GRIN2B: variants seen among roughly 807,000 people sequenced by gnomAD.
GRIN2B encodes glutamate receptor ionotropic, NMDA 2B.
Under a neutral mutation model 114.5 loss-of-function variants are expected in GRIN2B, and 5 were observed. That is an observed-to-expected ratio of 0.04 (90% CI 0.02 to 0.09). The LOEUF is 0.09. Ranked by LOEUF, GRIN2B falls within the 10% of genes least tolerant of loss-of-function variation. GRIN2B has a pLI of 1.00. For missense variants in GRIN2B, 1,108 were observed against 1,943.5 expected, an observed-to-expected ratio of 0.57 and a Z score of 8.08; for synonymous variants, 787 against 745.1, an observed-to-expected ratio of 1.06 and a Z score of -0.92.
At chr12:13,814,475 C>T (rs561027439) in intron 3 of GRIN2B, among the ~76,000 whole-genome samples, 5 of 152,286 alleles carry the variant, frequency 3.3e-5, no homozygotes, top group African/African-American at 7.2e-5. Context: ...AAATAACCTA[C>T]AAATCAGCTT....
intron 2 of GRIN2B, among the ~76,000 whole-genome samples, chr12:13,904,352 T>C (rs546274573): frequency 1.2e-4 from 19 of 152,196 alleles, no homozygotes; most frequent in African/African-American, 4.3e-4. Flanking sequence ...GTCTACTTAA[T>C]TTATCAAAGT....
At chr12:13,785,944 T>C (rs1171860572) in intron 3 of GRIN2B, among the ~76,000 whole-genome samples, 3 of 152,268 alleles carry the variant, frequency 2.0e-5, no homozygotes, top group Non-Finnish European at 4.4e-5. Flanking sequence ...TTTCCATATT[T>C]ATGGAAATAA....
At chr12:13,595,278 G>A (rs1259132336) in intron 10 of GRIN2B, among the ~76,000 whole-genome samples, 1 of 152,162 alleles carries the variant, frequency 6.6e-6, no homozygotes, top group Non-Finnish European at 1.5e-5. Context: ...CTTCCTGTGT[G>A]TGTGTGTTGA....
chr12:13,589,630 T>C (rs574658902), intron 10 of GRIN2B, among the ~76,000 whole-genome samples: 11 of 152,336 alleles, frequency 7.2e-5, no homozygotes, highest in South Asian at 6.2e-4. Context: ...AAGTAGGCGG[T>C]GAGACTGAAA....
Position 13,567,275 on chromosome 12 carries a change from A to G in GRIN2B, c.2360-12T>C. On this transcript the variant is annotated splice_polypyrimidine_tract_variant and intron_variant, in intron 12 of 13. Coordinates refer to ENST00000609686, the MANE Select transcript of GRIN2B (RefSeq NM_000834.5). ...TTCTTCCATCTCCCCTGGGGAAAGG[A>G]CAGAGAAGGAAAATGGATAAAAAGA... 1.3e-6 allele frequency: 2 copies of G among 1,585,490 alleles called. No individual in the cohort carries two copies. Among genetic ancestry groups the G allele is most frequent in the Non-Finnish European group, 1.7e-6 (2 of 1,154,012 alleles).
intron 4 of GRIN2B, among the ~76,000 whole-genome samples, chr12:13,744,413 G>T (rs1307532200): frequency 1.3e-5 from 2 of 152,188 alleles, no homozygotes; most frequent in Non-Finnish European, 2.9e-5. Flanking sequence ...ATGCACACAT[G>T]AATATGAGTG....
chr12:13,925,404 T>C (rs1208166894), intron 2 of GRIN2B, among the ~76,000 whole-genome samples: 1 of 152,238 alleles, frequency 6.6e-6, no homozygotes, highest in Non-Finnish European at 1.5e-5. Context: ...ACAAAAGGAC[T>C]GCAAAAGAAA....
At chr12:13,785,170 T>A (rs1864201780) in intron 3 of GRIN2B, among the ~76,000 whole-genome samples, 1 of 152,230 alleles carries the variant, frequency 6.6e-6, no homozygotes. Flanking sequence ...ATTTCCCTGT[T>A]CCCACTACTT....
intron 2 of GRIN2B, among the ~76,000 whole-genome samples, chr12:13,955,596 A>C (rs1867574434): frequency 6.6e-6 from 1 of 152,214 alleles, no homozygotes; most frequent in African/African-American, 2.4e-5. Context: ...TACTCAGCTA[A>C]AGTCAGTTAT....
chr12:13,925,470 T>C (rs1866896672), intron 2 of GRIN2B, among the ~76,000 whole-genome samples: 2 of 152,178 alleles, frequency 1.3e-5, no homozygotes, highest in Non-Finnish European at 2.9e-5. Context: ...AAGCACAGCT[T>C]CTTTTTCTGA....
intron 4 of GRIN2B, among the ~76,000 whole-genome samples, chr12:13,745,866 A>G (rs1040137269): frequency 6.6e-6 from 1 of 152,174 alleles, no homozygotes. Flanking sequence ...CCTTAAAAAC[A>G]TATAAAATGA....
intron 10 of GRIN2B, among the ~76,000 whole-genome samples, chr12:13,598,392 TGAGAAACA>T (rs957752226): frequency 1.3e-5 from 2 of 152,200 alleles, no homozygotes; most frequent in African/African-American, 4.8e-5. Context: ...CATCTGGTCT[TGAGAAACA>T]GATCTATCTG....
Position 13,702,351 on chromosome 12 carries a change from C to T in GRIN2B, c.1011-26492G>A, listed in dbSNP as rs531667489. Among the ~76,000 whole-genome samples, 45 of 152,286 alleles carry T rather than the reference C, an allele frequency of 3.0e-4. 1 individual carries two copies. The East Asian group carries it at 8.5e-3, about 29-fold the overall frequency. ...ATGTGCTACCTAGATCCAAGGAGGA[C>T]TTCATAACAGAACATAGCAGTCAGA... On this transcript the variant is annotated intron_variant, in intron 4 of 13. Coordinates refer to ENST00000609686, the MANE Select transcript of GRIN2B (RefSeq NM_000834.5).
intron 2 of GRIN2B, among the ~76,000 whole-genome samples, chr12:13,970,515 T>A (rs569279368): frequency 6.6e-6 from 1 of 152,282 alleles, no homozygotes; most frequent in South Asian, 2.1e-4. Flanking sequence ...AACCAATATT[T>A]TCTGAGCACT....
At chr12:13,573,615 T>TC (rs1281364731) in intron 10 of GRIN2B, among the ~76,000 whole-genome samples, 12 of 125,476 alleles carry the variant, frequency 9.6e-5, no homozygotes, top group African/African-American at 3.1e-4. Flanking sequence ...TGTGCTGTGC[T>TC]TTGGCATCGG....
At chr12:13,727,652 C>G (rs1863015760) in intron 4 of GRIN2B, among the ~76,000 whole-genome samples, 1 of 152,082 alleles carries the variant, frequency 6.6e-6, no homozygotes, top group African/African-American at 2.4e-5. Flanking sequence ...CAATGTTTTA[C>G]CCATTATTTC....
At chr12:13,772,571 T>C (rs1271651794) in intron 3 of GRIN2B, among the ~76,000 whole-genome samples, 1 of 152,186 alleles carries the variant, frequency 6.6e-6, no homozygotes, top group African/African-American at 2.4e-5. Context: ...AATTTTACAA[T>C]ATAAAATTCT....
At chr12:13,952,420 GA>G (rs1169975117) in intron 2 of GRIN2B, among the ~76,000 whole-genome samples, 1 of 152,140 alleles carries the variant, frequency 6.6e-6, no homozygotes, top group Non-Finnish European at 1.5e-5. Flanking sequence ...TGGCATTACA[GA>G]AATGAAACTA....
intron 12 of GRIN2B, among the ~76,000 whole-genome samples, chr12:13,568,945 C>T (rs1259661918): frequency 6.6e-6 from 1 of 152,156 alleles, no homozygotes; most frequent in Admixed American, 6.6e-5. Flanking sequence ...CTGCCTCTTC[C>T]AGCTGAAAGA....
Sources: allele counts gnomAD v4.1 joint callset (sites outside exome capture counted in the v4.1 genomes callset), GRCh38; gene constraint gnomAD v4.1.1; transcripts MANE v1.5; gene names NCBI Gene and HGNC (gene_info 2026-07-23, HGNC 2026-07-21).